SLC49A4: variants seen among roughly 807,000 people sequenced by gnomAD.
SLC49A4 encodes disrupted in renal cancer protein 2.
In SLC49A4, 36 loss-of-function variants were observed where a neutral mutation model predicts 50.6. That is an observed-to-expected ratio of 0.71 (90% CI 0.55 to 0.94). SLC49A4 has a LOEUF of 0.94. Among genes scored for constraint, SLC49A4 ranks in the 40% least tolerant of loss-of-function variants. SLC49A4 has a pLI of 0.00. For synonymous variants in SLC49A4, 248 were observed against 241.2 expected (o/e 1.03, Z -0.26); for missense variants, 503 against 605.7 (o/e 0.83, Z 1.78).
intron 8 of SLC49A4, among the ~76,000 whole-genome samples, chr3:122,878,147 T>C (rs1248622275): frequency 2.6e-5 from 4 of 152,174 alleles, no homozygotes; most frequent in African/African-American, 9.7e-5. Flanking sequence ...AGTGTGGAAA[T>C]CTTTAGGATG....
chr3:122,840,859 G>T (rs1483620200), intron 4 of SLC49A4, among the ~76,000 whole-genome samples: 2 of 152,106 alleles, frequency 1.3e-5, no homozygotes, highest in African/African-American at 4.8e-5. Context: ...ACAGATATTT[G>T]CTATCGTTAG....
chr3:122,824,447 T>G (rs989955672), intron 2 of SLC49A4, among the ~76,000 whole-genome samples: 3 of 152,184 alleles, frequency 2.0e-5, no homozygotes, highest in African/African-American at 7.2e-5. Flanking sequence ...CAGACTCTGC[T>G]GCTTGGGTAA....
chr3:122,832,023 T>A (rs1199267271), intron 3 of SLC49A4, among the ~76,000 whole-genome samples: 1 of 151,014 alleles, frequency 6.6e-6, no homozygotes, highest in African/African-American at 2.4e-5. Context: ...TTTAAAAAAA[T>A]AGGAATCTTT....
intron 7 of SLC49A4, among the ~76,000 whole-genome samples, chr3:122,869,081 G>T (rs1174251981): frequency 6.6e-6 from 1 of 152,164 alleles, no homozygotes; most frequent in African/African-American, 2.4e-5. Context: ...ACATGAAGTG[G>T]AGTTGTGTCC....
At chr3:122,822,757 TA>T (rs992978315) in intron 2 of SLC49A4, among the ~76,000 whole-genome samples, 1 of 152,060 alleles carries the variant, frequency 6.6e-6, no homozygotes, top group African/African-American at 2.4e-5. Context: ...CCTCTATTTT[TA>T]AAATGTTGTT....
At chr3:122,814,216 C>T (rs561769965) in intron 2 of SLC49A4, among the ~76,000 whole-genome samples, 48 of 152,128 alleles carry the variant, frequency 3.2e-4, no homozygotes, top group African/African-American at 8.7e-4. Context: ...TACAGTGAGC[C>T]GAGATTGCGC....
chr3:122,810,359 A>T (rs1305463241), intron 2 of SLC49A4, among the ~76,000 whole-genome samples: 1 of 152,214 alleles, frequency 6.6e-6, no homozygotes, highest in Non-Finnish European at 1.5e-5. Flanking sequence ...CAAATTATAA[A>T]GCATTTTTTC....
At chr3:122,876,872 C>G (rs1390985832) in intron 8 of SLC49A4, among the ~76,000 whole-genome samples, 1 of 152,154 alleles carries the variant, frequency 6.6e-6, no homozygotes, top group Non-Finnish European at 1.5e-5. Flanking sequence ...CCTGTCTAAA[C>G]TATAAGTTGG....
chr3:122,806,502 C>T (rs770360633), intron 1 of SLC49A4, among the ~76,000 whole-genome samples: 1 of 152,058 alleles, frequency 6.6e-6, no homozygotes, highest in Non-Finnish European at 1.5e-5. Context: ...CTCAGCCTCC[C>T]GAGTAGCCGG....
At chr3:122,871,225 C>T (rs75441976) in intron 7 of SLC49A4, among the ~76,000 whole-genome samples, 2,351 of 152,188 alleles carry the variant, frequency 0.015, 72 homozygotes, top group African/African-American at 0.054. Context: ...TTTGTATTAT[C>T]AGAATATACT....
chr3:122,824,905 G>C (rs965316945), intron 2 of SLC49A4, among the ~76,000 whole-genome samples: 2 of 151,442 alleles, frequency 1.3e-5, no homozygotes, highest in African/African-American at 4.9e-5. Context: ...GCTAATTTTT[G>C]TATTTTTAGA....
chr3:122,837,821 G>C (rs1378275352), intron 4 of SLC49A4, among the ~76,000 whole-genome samples: 1 of 151,958 alleles, frequency 6.6e-6, no homozygotes, highest in Admixed American at 6.6e-5. Flanking sequence ...ATCTGACAAA[G>C]GGCTAATATC....
At position 122,807,220 on chromosome 3, in the gene SLC49A4, CATATT is replaced by C. The variant is rs1277063070; in HGVS notation, c.437+275_437+279del. ...ACCATTTGTAAGTATAATAATATAA[CATATT>C]ATATATATATATAGTGTAGTTAATG... On this transcript the variant is annotated intron_variant, in intron 2 of 8. Transcript: ENST00000261038. Among the ~76,000 whole-genome samples the C allele has an allele frequency of 1.8e-4, 13 of 74,190 alleles. 2 individuals are homozygous for C. The highest frequency in any genetic ancestry group is 2.5e-4 in the East Asian group (1 of 4,048). 48.7% of individuals were successfully genotyped at this position (74,190 alleles called of 152,430 possible).
chr3:122,848,650 G>A (rs1351819880), intron 5 of SLC49A4, among the ~76,000 whole-genome samples: 1 of 151,956 alleles, frequency 6.6e-6, no homozygotes, highest in Admixed American at 6.6e-5. Context: ...AAGCTGAGCA[G>A]CTTTTAAAAT....
intron 5 of SLC49A4, among the ~76,000 whole-genome samples, chr3:122,851,610 A>AT (rs201638037): frequency 6.6e-6 from 1 of 151,804 alleles, no homozygotes; most frequent in Non-Finnish European, 1.5e-5. Flanking sequence ...ACTAGGTGGC[A>AT]TTTTTTTTCT....
intron 1 of SLC49A4, among the ~76,000 whole-genome samples, chr3:122,800,163 T>C (rs1372487877): frequency 6.6e-6 from 1 of 152,214 alleles, no homozygotes; most frequent in African/African-American, 2.4e-5. Context: ...AAGTGTCTTG[T>C]GGCTGGGTGA....
Position 122,872,590 on chromosome 3 carries a change from T to C in SLC49A4, c.1314T>C (p.Tyr438=), listed in dbSNP as rs778383962. Residue 438 remains tyrosine, a synonymous_variant, in exon 8 of 9, where the codon TAT becomes TAC. Transcript: ENST00000261038. ...MGVLLFFLTF[Y]HTELSWFNWC... ...TACTTTTATTTTTTCTCACATTTTA[T>C]CATACAGGTAAGAAATTTGATTTTT... 3.8e-6 allele frequency: 6 copies of C among 1,578,606 alleles called. No individual in the cohort carries two copies. The highest frequency in any genetic ancestry group is 5.2e-6 in the Non-Finnish European group (6 of 1,157,908).
chr3:122,848,300 T>TTA (rs1234932503), intron 5 of SLC49A4, among the ~76,000 whole-genome samples: 1 of 152,204 alleles, frequency 6.6e-6, no homozygotes, highest in Non-Finnish European at 1.5e-5. Context: ...GCAAGTCTCC[T>TTA]TATATACACT....
At chr3:122,855,050 G>A (rs2107577644) in intron 5 of SLC49A4, among the ~76,000 whole-genome samples, 1 of 151,664 alleles carries the variant, frequency 6.6e-6, no homozygotes. Flanking sequence ...CCGAGATCGT[G>A]CCACTGCACT....
Sources: gnomAD v4.1 joint callset for allele counts (sites outside exome capture counted in the v4.1 genomes callset) on GRCh38, gnomAD v4.1.1 for gene constraint, MANE v1.5 for transcripts, NCBI Gene and HGNC (gene_info 2026-07-23, HGNC 2026-07-21) for gene names.